Variants in WIPF3 observed in about 807,000 individuals in gnomAD.
The protein encoded by WIPF3 is WAS/WASL-interacting protein family member 3.
WIPF3 carries 33 observed loss-of-function variants against 38.9 expected under a neutral mutation model. The observed-to-expected ratio is 0.85, with a 90% CI of 0.64 to 1.14. The LOEUF (loss-of-function observed/expected upper bound fraction) is 1.14, where lower values mean the gene tolerates loss of function less well. Ranked by LOEUF, WIPF3 falls within the 50% of genes most tolerant of loss-of-function variation. The pLI is 0.00. For synonymous variants in WIPF3, 324 were observed against 269.3 expected (o/e 1.20, Z -1.99); for missense variants, 711 against 652.5 (o/e 1.09, Z -0.98).
At chr7:29,882,548 A>G (rs1027532982) in intron 4 of WIPF3, among the ~76,000 whole-genome samples, 10 of 152,198 alleles carry the variant, frequency 6.6e-5, no homozygotes, top group African/African-American at 9.6e-5. Flanking sequence ...GGTCTTGCCT[A>G]CTTAGCTTCA....
rs1785925785 is a variant in WIPF3, at chr7:29,888,207, G to A, written c.1239G>A (p.Leu413=). Residue 413 remains leucine (L), a synonymous_variant, in exon 6 of 9, where the codon CTG becomes CTA. Coordinates refer to ENST00000242140, the MANE Select transcript of WIPF3 (RefSeq NM_001080529.3). ...QPGGQLRNGS[L]HIIDDFESKF... ...GAGGTCAACTGCGAAATGGAAGCCT[G>A]CACATCATTGGTAAGTGGGTTGCAC... 1 of 1,608,746 alleles carries A rather than the reference G, an allele frequency of 6.2e-7. No individual in the cohort carries two copies.
chr7:29,827,454 T>C (rs1438732942), intron 1 of WIPF3, among the ~76,000 whole-genome samples: 2 of 152,204 alleles, frequency 1.3e-5, no homozygotes, highest in African/African-American at 4.8e-5. Context: ...TTAGAAACTT[T>C]ACTACATTTA....
chr7:29,899,926 T>C (rs1441726998), intron 7 of WIPF3, among the ~76,000 whole-genome samples: 1 of 152,156 alleles, frequency 6.6e-6, no homozygotes, highest in Non-Finnish European at 1.5e-5. Context: ...TATTTATTTA[T>C]TCATTTATTT....
intron 2 of WIPF3, among the ~76,000 whole-genome samples, chr7:29,848,138 G>A (rs991223540): frequency 6.6e-5 from 10 of 152,070 alleles, no homozygotes; most frequent in Admixed American, 6.5e-5. Flanking sequence ...TTGGGCCCAC[G>A]GGTGTAGCAG....
chr7:29,902,781 C>T (rs2128080361), intron 7 of WIPF3, among the ~76,000 whole-genome samples: 1 of 151,444 alleles, frequency 6.6e-6, no homozygotes, highest in South Asian at 2.1e-4. Flanking sequence ...GCGGAGGTTG[C>T]AGTGAGTTGA....
intron 2 of WIPF3, among the ~76,000 whole-genome samples, chr7:29,850,788 A>T (rs549408093): frequency 6.6e-6 from 1 of 152,204 alleles, no homozygotes; most frequent in South Asian, 2.1e-4. Context: ...CACCTTCCCC[A>T]TGTGTTGGAG....
At chr7:29,835,584 G>T (rs1279059418) in intron 2 of WIPF3, among the ~76,000 whole-genome samples, 1 of 152,132 alleles carries the variant, frequency 6.6e-6, no homozygotes, top group Non-Finnish European at 1.5e-5. Flanking sequence ...ATGTCCCCTT[G>T]TGGGGCAAAA....
At chr7:29,880,252 C>T (rs1313122295) in intron 4 of WIPF3, among the ~76,000 whole-genome samples, 1 of 152,236 alleles carries the variant, frequency 6.6e-6, no homozygotes, top group African/African-American at 2.4e-5. Context: ...AAACCTTCCT[C>T]GTACCAGATC....
chr7:29,888,285 G>A (rs1785927702), intron 6 of WIPF3, 68 bp downstream of exon 6: 1 of 1,530,528 alleles, frequency 6.5e-7, no homozygotes, highest in Admixed American at 2.0e-5. Flanking sequence ...CCTCTGGAGA[G>A]AGAGTTTGCT....
At chr7:29,859,291 G>C (rs1295923198) in intron 2 of WIPF3, among the ~76,000 whole-genome samples, 1 of 152,186 alleles carries the variant, frequency 6.6e-6, no homozygotes, top group African/African-American at 2.4e-5. Flanking sequence ...CTGGTTTGAG[G>C]TTTGGGACAA....
intron 2 of WIPF3, among the ~76,000 whole-genome samples, chr7:29,864,488 G>A (rs1179695271): frequency 2.0e-5 from 3 of 152,050 alleles, no homozygotes; most frequent in Non-Finnish European, 2.9e-5. Flanking sequence ...TTCCTGCTTT[G>A]TCTCTACAAA....
Position 29,884,583 on chromosome 7 carries a change from T to C in WIPF3, c.1089T>C (p.His363=), listed in dbSNP as rs546235462. The C allele has an allele frequency of 2.7e-5, 43 of 1,605,084 alleles. No individual in the cohort carries two copies. In the East Asian group the frequency reaches 8.7e-4, roughly 33 times the overall value. The stretch of plus-strand genomic sequence containing the variant: ...AGCCGTTCCTGCAGAAGAAGAGGCA[T>C]GGCCGACCAGGTAAGGAGCGCTGCC... ...GSQPFLQKKR[H]GRPGAGGGKL... Residue 363 remains histidine (H), a synonymous_variant, in exon 5 of 9, where the codon CAT becomes CAC. Coordinates refer to ENST00000242140, the MANE Select transcript of WIPF3 (RefSeq NM_001080529.3).
chr7:29,838,245 G>A (rs182434639), intron 2 of WIPF3, among the ~76,000 whole-genome samples: 10 of 152,140 alleles, frequency 6.6e-5, no homozygotes, highest in Admixed American at 4.6e-4. Context: ...AATGTTGGCT[G>A]GAGTATTAGG....
At chr7:29,818,191 C>T (rs1264396294) in intron 1 of WIPF3, among the ~76,000 whole-genome samples, 1 of 152,080 alleles carries the variant, frequency 6.6e-6, no homozygotes, top group Non-Finnish European at 1.5e-5. Flanking sequence ...GTGGCTCAAG[C>T]CTGTAATCCC....
intron 1 of WIPF3, among the ~76,000 whole-genome samples, chr7:29,813,250 G>GC (rs1784408037): frequency 6.6e-6 from 1 of 152,158 alleles, no homozygotes; most frequent in Non-Finnish European, 1.5e-5. Context: ...TGATATACCT[G>GC]TTTGCTCCTT....
At chr7:29,877,212 C>T (rs1437250433) in intron 3 of WIPF3, among the ~76,000 whole-genome samples, 1 of 152,180 alleles carries the variant, frequency 6.6e-6, no homozygotes, top group Admixed American at 6.5e-5. Context: ...CAGAGAGAGG[C>T]TTCTGAGACA....
intron 7 of WIPF3, among the ~76,000 whole-genome samples, chr7:29,903,203 A>G (rs1162927036): frequency 1.3e-5 from 2 of 152,166 alleles, no homozygotes; most frequent in Non-Finnish European, 2.9e-5. Context: ...CTGAGGTGGA[A>G]GGATCACTTG....
At chr7:29,886,113 T>A (rs76900969) in intron 5 of WIPF3, among the ~76,000 whole-genome samples, 3,132 of 152,182 alleles carry the variant, frequency 0.021, 103 homozygotes, top group African/African-American at 0.072. Flanking sequence ...AAGAAATACT[T>A]TTGTAGAAAT....
chr7:29,888,514 T>TGTGTGTGTGTGTGC lies in WIPF3; in HGVS notation c.1249+310_1249+311insCGTGTGTGTGTGTG, dbSNP rs1454900588. On this transcript the variant is annotated intron_variant, in intron 6 of 8. Coordinates refer to ENST00000242140, the MANE Select transcript of WIPF3 (RefSeq NM_001080529.3). ...GTGTGCGTGTGCGTGTGTGTGCGTG[T>TGTGTGTGTGTGTGC]GTGTGTGTGTGTGTGTGTGTCTATG... is the stretch of plus-strand genomic sequence containing the variant. 4.6e-3 allele frequency among the ~76,000 whole-genome samples: 702 copies of TGTGTGTGTGTGTGC among 151,700 alleles called. 5 individuals carry two copies. The highest frequency in any genetic ancestry group is 0.02 in the South Asian group (95 of 4,800).
Sources: gnomAD v4.1 joint callset for allele counts (sites outside exome capture counted in the v4.1 genomes callset) on GRCh38, gnomAD v4.1.1 for gene constraint, MANE v1.5 for transcripts, NCBI Gene and HGNC (gene_info 2026-07-23, HGNC 2026-07-21) for gene names.